ASF1A: variants seen among roughly 807,000 people sequenced by gnomAD.
The protein encoded by ASF1A is histone chaperone ASF1A.
Under a neutral mutation model 22.0 loss-of-function variants are expected in ASF1A, and 5 were observed. The ratio of observed to expected loss-of-function variants is 0.23; its 90% CI spans 0.12 to 0.48. The LOEUF (loss-of-function observed/expected upper bound fraction) is 0.48, where lower values mean the gene tolerates loss of function less well. ASF1A is among the 20% of genes least tolerant of loss of function. The pLI, the probability that ASF1A is intolerant of heterozygous loss-of-function variation, is 0.99. For synonymous variants in ASF1A, 97 were observed against 86.7 expected (o/e 1.12, Z -0.66); for missense variants, 137 against 240.6 (o/e 0.57, Z 2.85).
chr6:118,903,887 C>T (rs1469463836), intron 2 of ASF1A, among the ~76,000 whole-genome samples: 1 of 152,044 alleles, frequency 6.6e-6, no homozygotes, highest in Non-Finnish European at 1.5e-5. Context: ...GTGCTCAGAG[C>T]GTGAAAAGAT....
At chr6:118,894,609 T>A in intron 1 of ASF1A, 87 bp downstream of exon 1, 3 of 1,192,576 alleles carry the variant, frequency 2.5e-6, no homozygotes, top group Non-Finnish European at 2.4e-6. Context: ...GCTGGGCGGC[T>A]GTGTTCGGCG....
At chr6:118,896,048 T>G (rs982045571) in intron 1 of ASF1A, among the ~76,000 whole-genome samples, 51 of 151,894 alleles carry the variant, frequency 3.4e-4, no homozygotes, top group African/African-American at 1.2e-3. Context: ...CCCGTTTTTT[T>G]TTTTTTTTTA....
In ASF1A at chr6:118,894,427, A is replaced by G. The variant is rs1207308968; in HGVS notation, c.14A>G (p.Gln5Arg). 6.5e-7 allele frequency: 1 copy of G among 1,537,038 alleles called. No homozygotes were observed. The highest frequency in any genetic ancestry group is 2.0e-5 in the Admixed American group (1 of 50,994). MAKV[Q>R]VNNVVVLDNP... is the part of the protein sequence containing the mutation. ...TTTTTTCAAAATATGGCAAAGGTTC[A>G]GGTGAACAATGTAGTGGTGCTGGAT... Residue 5 changes from glutamine (Q) to arginine (R), a missense_variant, in exon 1 of 4, where the codon CAG (glutamine) becomes CGG (arginine). Physicochemically the swap from Gln to Arg is conservative, Grantham distance 43 (BLOSUM62 1). Transcript: ENST00000229595.
intron 2 of ASF1A, among the ~76,000 whole-genome samples, chr6:118,901,858 T>C (rs901263252): frequency 1.7e-4 from 26 of 152,208 alleles, no homozygotes; most frequent in Admixed American, 4.6e-4. Context: ...CTCTGTTTTC[T>C]CACTTCACAG....
intron 3 of ASF1A, among the ~76,000 whole-genome samples, chr6:118,906,630 A>G (rs1283921393): frequency 6.6e-6 from 1 of 152,230 alleles, no homozygotes; most frequent in Non-Finnish European, 1.5e-5. Context: ...AAGTTAAACT[A>G]ACAGTCTTAA....
At chr6:118,896,400 C>T (rs907228691) in intron 1 of ASF1A, among the ~76,000 whole-genome samples, 1 of 152,114 alleles carries the variant, frequency 6.6e-6, no homozygotes, top group African/African-American at 2.4e-5. Flanking sequence ...TCAAGTGTTG[C>T]CTTCCATTTT....
intron 1 of ASF1A, among the ~76,000 whole-genome samples, chr6:118,896,232 C>T (rs868248070): frequency 4.6e-5 from 7 of 152,026 alleles, no homozygotes; most frequent in Non-Finnish European, 8.8e-5. Flanking sequence ...AGCATTGCAG[C>T]TACCAGGCCC....
chr6:118,895,930 T>C (rs914900763), intron 1 of ASF1A, among the ~76,000 whole-genome samples: 2 of 152,044 alleles, frequency 1.3e-5, no homozygotes, highest in Admixed American at 6.5e-5. Flanking sequence ...TTCATTGTAA[T>C]AAACTTTTAG....
rs1490143140 is a variant in ASF1A at position 118,908,129 on chromosome 6, G to T, written c.*515G>T. On this transcript the variant is annotated 3_prime_UTR_variant, in exon 4 of 4. Coordinates refer to ENST00000229595, the MANE Select transcript of ASF1A (RefSeq NM_014034.3). ...AACTATATGCTACCAAGAACTTTAG[G>T]ATCCAATTTTCCAAGCCACCGTGAA... The T allele has an allele frequency of 1.3e-5, 2 of 152,484 alleles. No homozygotes were observed. The highest frequency in any genetic ancestry group is 2.9e-5 in the Non-Finnish European group (2 of 68,358). The allele number at this position is 152,484 out of a possible 1,614,324, so 9.4% of individuals were successfully genotyped here.
chr6:118,904,471 C>A (rs1177487837), intron 2 of ASF1A, among the ~76,000 whole-genome samples: 1 of 152,198 alleles, frequency 6.6e-6, no homozygotes, highest in Non-Finnish European at 1.5e-5. Context: ...CCATTTACCA[C>A]CCAGAATGGC....
In ASF1A at chr6:118,908,855, C is replaced by T. The variant is rs1437746219; in HGVS notation, c.*1241C>T. On this transcript the variant is annotated 3_prime_UTR_variant, in exon 4 of 4. Coordinates refer to ENST00000229595, the MANE Select transcript of ASF1A (RefSeq NM_014034.3). The stretch of plus-strand genomic sequence containing the variant: ...TTATGCAGTGCCTTCATATCTAAAA[C>T]TTTTATACTGCACTTTTTAAAGCTT... 6.6e-6 allele frequency: 1 copy of T among 152,596 alleles called. No individual in the cohort carries two copies. Among genetic ancestry groups the T allele is most frequent in the East Asian group, 1.9e-4 (1 of 5,200 alleles). The allele number at this position is 152,596 out of a possible 1,614,324, so 9.5% of individuals were successfully genotyped here.
At chr6:118,901,853 T>C (rs62424036) in intron 2 of ASF1A, among the ~76,000 whole-genome samples, 1,825 of 152,288 alleles carry the variant, frequency 0.012, 25 homozygotes, top group Non-Finnish European at 0.014. Context: ...CTGACCTCTG[T>C]TTTCTCACTT....
At chr6:118,895,180 C>A (rs983770226) in intron 1 of ASF1A, among the ~76,000 whole-genome samples, 2 of 151,826 alleles carry the variant, frequency 1.3e-5, no homozygotes, top group Non-Finnish European at 2.9e-5. Context: ...GAGGCGGGCG[C>A]AGGCTCGGCC....
At chr6:118,898,939 A>T (rs983459634) in intron 1 of ASF1A, among the ~76,000 whole-genome samples, 1 of 152,092 alleles carries the variant, frequency 6.6e-6, no homozygotes, top group African/African-American at 2.4e-5. Context: ...ACAGGTTCCA[A>T]ATTTTTATCC....
intron 1 of ASF1A, among the ~76,000 whole-genome samples, chr6:118,899,325 A>T (rs540147882): frequency 2.6e-5 from 4 of 152,308 alleles, no homozygotes; most frequent in East Asian, 3.9e-4. Context: ...TCAAAACCGC[A>T]TGATCTGGCT....
At chr6:118,904,588 C>T (rs1057243263) in intron 2 of ASF1A, among the ~76,000 whole-genome samples, 4 of 152,194 alleles carry the variant, frequency 2.6e-5, no homozygotes, top group African/African-American at 7.2e-5. Flanking sequence ...CCCTGCCCTT[C>T]GCTCATGCTC....
chr6:118,896,613 C>T (rs1779435446), intron 1 of ASF1A, among the ~76,000 whole-genome samples: 1 of 152,128 alleles, frequency 6.6e-6, no homozygotes, highest in Admixed American at 6.5e-5. Flanking sequence ...ATTTCACTTC[C>T]TAGGCACCAT....
intron 2 of ASF1A, among the ~76,000 whole-genome samples, chr6:118,901,206 C>A (rs1779779391): frequency 6.6e-6 from 1 of 152,146 alleles, no homozygotes; most frequent in South Asian, 2.1e-4. Context: ...ATCAGACTTC[C>A]AAGGTGGCTG....
At chr6:118,903,827 T>G (rs981902149) in intron 2 of ASF1A, among the ~76,000 whole-genome samples, 1 of 152,160 alleles carries the variant, frequency 6.6e-6, no homozygotes, top group Non-Finnish European at 1.5e-5. Context: ...GCTCAAGTGA[T>G]CCACCCACCT....
Sources: gnomAD v4.1 joint callset for allele counts (sites outside exome capture counted in the v4.1 genomes callset) on GRCh38, gnomAD v4.1.1 for gene constraint, MANE v1.5 for transcripts, NCBI Gene and HGNC (gene_info 2026-07-23, HGNC 2026-07-21) for gene names.